Variants in PCDH15 observed in about 807,000 individuals in gnomAD.
PCDH15 encodes protocadherin-15.
In PCDH15, 129 loss-of-function variants were observed where a neutral mutation model predicts 178.5. The observed-to-expected ratio is 0.72, with a 90% CI of 0.63 to 0.84. The LOEUF (loss-of-function observed/expected upper bound fraction) is 0.84. Ranked by LOEUF, PCDH15 falls within the 40% of genes least tolerant of loss-of-function variation. The pLI is 0.00. For missense variants in PCDH15, 2,230 were observed against 2,099.9 expected, an observed-to-expected ratio of 1.06 and a Z score of -1.21; for synonymous variants, 800 against 732.0, an observed-to-expected ratio of 1.09 and a Z score of -1.50.
chr10:54,106,396 G>A (rs2094918083), intron 15 of PCDH15, among the ~76,000 whole-genome samples: 1 of 152,172 alleles, frequency 6.6e-6, no homozygotes, highest in African/African-American at 2.4e-5. Context: ...TGGAGCTAAT[G>A]AGCTTCTTGT....
chr10:53,808,398 C>T, intron 37 of PCDH15: 2 of 1,067,810 alleles, frequency 1.9e-6, no homozygotes, highest in Non-Finnish European at 2.3e-6. Context: ...ATACATAATG[C>T]CACATTGCAT....
rs960541513 is a variant in PCDH15 at position 54,578,417 on chromosome 10, A to G, written c.92-50540T>C. Among the ~76,000 whole-genome samples the G allele has an allele frequency of 5.3e-5, 8 of 152,250 alleles. No individual in the cohort carries two copies. The South Asian group carries it at 8.3e-4, about 16-fold the overall frequency. On this transcript the variant is annotated intron_variant, in intron 2 of 37. Transcript: ENST00000644397. ...TTTAATATAAATTAATTCTTTCAGAACTATTAACCTTATAGGAAAACACTA... is the reference window on the plus strand; with the variant it reads ...TTTAATATAAATTAATTCTTTCAGAGCTATTAACCTTATAGGAAAACACTA...
intron 7 of PCDH15, among the ~76,000 whole-genome samples, chr10:54,320,441 A>G (rs1418529382): frequency 6.6e-6 from 1 of 152,032 alleles, no homozygotes; most frequent in Non-Finnish European, 1.5e-5. Context: ...AGGCCAGTTG[A>G]AAAGTAGAGT....
chr10:53,877,616 A>G (rs2080340881), intron 26 of PCDH15, among the ~76,000 whole-genome samples: 1 of 152,172 alleles, frequency 6.6e-6, no homozygotes, highest in African/African-American at 2.4e-5. Flanking sequence ...AACCAAATTC[A>G]GCTGCTGCTT....
chr10:53,855,311 T>A (rs1326707590), intron 28 of PCDH15, among the ~76,000 whole-genome samples: 1 of 152,016 alleles, frequency 6.6e-6, no homozygotes, highest in African/African-American at 2.4e-5. Context: ...AGAAAGCCTG[T>A]CTCAATAGGC....
chr10:55,133,550 T>G (rs1838110126), intron 2 of PCDH15, among the ~76,000 whole-genome samples: 1 of 152,124 alleles, frequency 6.6e-6, no homozygotes, highest in African/African-American at 2.4e-5. Flanking sequence ...GAACCTCTAT[T>G]GTACATCTCT....
intron 2 of PCDH15, among the ~76,000 whole-genome samples, chr10:55,498,134 G>A (rs1169734212): frequency 6.6e-6 from 1 of 151,782 alleles, no homozygotes; most frequent in Non-Finnish European, 1.5e-5. Context: ...CCACCAAAAT[G>A]TTTCTAAACA....
intron 1 of PCDH15, among the ~76,000 whole-genome samples, chr10:55,232,631 A>G (rs936966116): frequency 6.6e-6 from 1 of 152,076 alleles, no homozygotes; most frequent in Non-Finnish European, 1.5e-5. Flanking sequence ...GAAAGTTTGT[A>G]ACTTCCAATT....
At chr10:54,616,476 A>C (rs897484546) in intron 2 of PCDH15, among the ~76,000 whole-genome samples, 1 of 152,074 alleles carries the variant, frequency 6.6e-6, no homozygotes. Context: ...CTATTTTTTC[A>C]AAGTATATTT....
intron 13 of PCDH15, among the ~76,000 whole-genome samples, chr10:54,181,419 G>T (rs1442805782): frequency 1.3e-5 from 2 of 151,960 alleles, no homozygotes; most frequent in Non-Finnish European, 2.9e-5. Flanking sequence ...GATTCAGGGG[G>T]TACATACGCA....
chr10:53,904,468 C>CTTTT (rs10659966), intron 25 of PCDH15, among the ~76,000 whole-genome samples: 4 of 144,072 alleles, frequency 2.8e-5, no homozygotes, highest in African/African-American at 2.5e-5. Flanking sequence ...TAGAAATAGT[C>CTTTT]TTTTTTTTTT....
intron 3 of PCDH15, among the ~76,000 whole-genome samples, chr10:54,436,512 T>C (rs1027452873): frequency 1.3e-5 from 2 of 152,070 alleles, no homozygotes; most frequent in African/African-American, 2.4e-5. Flanking sequence ...TATACACCAA[T>C]GAGAAATGAC....
chr10:54,431,373 C>G lies in PCDH15; in HGVS notation c.158-52431G>C, dbSNP rs554841747. Among the ~76,000 whole-genome samples, 27 of 151,968 alleles carry G rather than the reference C, an allele frequency of 1.8e-4. No individual in the cohort carries two copies. In the East Asian group the frequency reaches 5.0e-3, roughly 28 times the overall value. On this transcript the variant is annotated intron_variant, in intron 3 of 37. Coordinates refer to ENST00000644397, the MANE Select transcript of PCDH15 (RefSeq NM_001384140.1). ...AAATCTTCAACAAAATACTAGCTAA[C>G]CAAATTCAACAATACATTAAAAAGA...
chr10:54,460,709 G>C (rs1190048967), intron 3 of PCDH15, among the ~76,000 whole-genome samples: 1 of 152,080 alleles, frequency 6.6e-6, no homozygotes, highest in Admixed American at 6.6e-5. Context: ...TCTGGCTTGA[G>C]AAACATTGAG....
At chr10:55,519,236 C>T (rs1841097065) in intron 2 of PCDH15, among the ~76,000 whole-genome samples, 2 of 149,426 alleles carry the variant, frequency 1.3e-5, no homozygotes, top group African/African-American at 5.0e-5. Flanking sequence ...TGTTTCTCTC[C>T]TCTTTCTTTA....
At chr10:53,872,078 A>G (rs565044914) in intron 26 of PCDH15, among the ~76,000 whole-genome samples, 1 of 152,302 alleles carries the variant, frequency 6.6e-6, no homozygotes, top group African/African-American at 2.4e-5. Context: ...ACTTTTGTAC[A>G]GTACACACTC....
chr10:55,361,872 C>T (rs1845238021), intron 2 of PCDH15, among the ~76,000 whole-genome samples: 1 of 152,072 alleles, frequency 6.6e-6, no homozygotes, highest in Non-Finnish European at 1.5e-5. Flanking sequence ...AATGAATACC[C>T]AAGATCATAT....
intron 9 of PCDH15, among the ~76,000 whole-genome samples, chr10:54,230,782 GTT>G (rs1462896518): frequency 6.6e-6 from 1 of 151,904 alleles, no homozygotes; most frequent in Non-Finnish European, 1.5e-5. Flanking sequence ...AAAAAATACT[GTT>G]AGCAATATTA....
intron 1 of PCDH15, among the ~76,000 whole-genome samples, chr10:55,301,901 G>T (rs745566426): frequency 9.2e-5 from 14 of 152,066 alleles, no homozygotes; most frequent in Non-Finnish European, 2.1e-4. Flanking sequence ...TTGGAAATTT[G>T]CATGGAACTG....
Sources: gnomAD v4.1 joint callset for allele counts (sites outside exome capture counted in the v4.1 genomes callset) on GRCh38, gnomAD v4.1.1 for gene constraint, MANE v1.5 for transcripts, NCBI Gene and HGNC (gene_info 2026-07-23, HGNC 2026-07-21) for gene names.